The following TADA2A variants were observed in gnomAD, a reference collection of about 807,000 sequenced individuals.
The protein encoded by TADA2A is transcriptional adapter 2-alpha.
In TADA2A, 38 loss-of-function variants were observed where a neutral mutation model predicts 67.4. That is an observed-to-expected ratio of 0.56 (90% confidence interval 0.44 to 0.74). The LOEUF (loss-of-function observed/expected upper bound fraction) is 0.74, where lower values mean the gene tolerates loss of function less well. Among genes scored for constraint, TADA2A ranks in the 30% least tolerant of loss-of-function variants. The pLI, the probability that TADA2A is intolerant of heterozygous loss-of-function variation, is 0.00. For synonymous variants in TADA2A, 192 were observed against 181.6 expected (o/e 1.06, Z -0.46); for missense variants, 454 against 547.0 (o/e 0.83, Z 1.70).
intron 11 of TADA2A, among the ~76,000 whole-genome samples, chr17:37,466,884 G>A (rs1054341718): frequency 1.3e-5 from 2 of 152,122 alleles, no homozygotes; most frequent in African/African-American, 2.4e-5. Flanking sequence ...TGCCCAGTGC[G>A]GTGGCTCATT....
chr17:37,436,558 C>G (rs959268356), intron 4 of TADA2A: 2 of 151,908 alleles, frequency 1.3e-5, no homozygotes, highest in African/African-American at 4.9e-5. Flanking sequence ...GAGGTTTCAT[C>G]ATGTTGGCCA....
intron 4 of TADA2A, among the ~76,000 whole-genome samples, chr17:37,431,229 A>G (rs853224): frequency 1.3e-5 from 2 of 152,022 alleles, no homozygotes; most frequent in Non-Finnish European, 1.5e-5. Flanking sequence ...TCAAAACCTC[A>G]TGCTTAAAAA....
In TADA2A at chr17:37,479,357, A is replaced by G. The variant is rs1468568758; in HGVS notation, c.*2375A>G. On this transcript the variant is annotated 3_prime_UTR_variant, in exon 16 of 16. Coordinates refer to ENST00000615182, the MANE Select transcript of TADA2A (RefSeq NM_001166105.3). ...GAAACAGTTGAACTCTGAAAAGCTG[A>G]TGGCAAATCAGATTTCATGAGGAAA... 1 of 152,234 alleles carries G rather than the reference A, an allele frequency of 6.6e-6. No individual in the cohort carries two copies. Among genetic ancestry groups the G allele is most frequent in the Non-Finnish European group, 1.5e-5 (1 of 68,024 alleles). 9.4% of individuals were successfully genotyped at this position (152,234 alleles called of 1,614,324 possible).
At chr17:37,465,704 C>T in intron 11 of TADA2A, 163 bp downstream of exon 11, 3 of 1,312,222 alleles carry the variant, frequency 2.3e-6, no homozygotes, top group Middle Eastern at 2.5e-4. Flanking sequence ...ATGGGGGTGG[C>T]AGAAGAGAGG....
intron 4 of TADA2A, among the ~76,000 whole-genome samples, chr17:37,434,575 A>G (rs2052665797): frequency 6.6e-6 from 1 of 152,216 alleles, no homozygotes; most frequent in South Asian, 2.1e-4. Flanking sequence ...ATAAATTAGT[A>G]GTTACATTTA....
In TADA2A at chr17:37,444,615, A is replaced by T; in HGVS notation, c.532-81A>T. 3 of 1,171,582 alleles carry T rather than the reference A, an allele frequency of 2.6e-6. No homozygotes were observed. Among genetic ancestry groups the T allele is most frequent in the Admixed American group, 2.2e-5 (1 of 45,900 alleles). The allele number at this position is 1,171,582 out of a possible 1,614,324, so 72.6% of individuals were successfully genotyped here. On this transcript the variant is annotated intron_variant, in intron 7 of 15. Coordinates refer to ENST00000615182, the MANE Select transcript of TADA2A (RefSeq NM_001166105.3). ...CTGTTTGCTTGTGTTTTTTCTGTTT[A>T]CTTCTAAAGCATGGCTGCTGTAAAG...
chr17:37,474,812 GCTTAC>G, intron 15 of TADA2A, among the ~76,000 whole-genome samples, 183 bp downstream of exon 15: 1 of 152,140 alleles, frequency 6.6e-6, no homozygotes, highest in East Asian at 1.9e-4. Flanking sequence ...TCAGAGAATT[GCTTAC>G]CTTGTCACCC....
chr17:37,473,127 A>AT (rs1020173351), intron 14 of TADA2A, among the ~76,000 whole-genome samples: 52,293 of 85,696 alleles, frequency 0.61, 16,449 homozygotes, highest in South Asian at 0.73. Flanking sequence ...ACCTGGAGAA[A>AT]TTTTTTTTTT....
chr17:37,465,981 A>G (rs1186902905), intron 11 of TADA2A, among the ~76,000 whole-genome samples: 1 of 152,186 alleles, frequency 6.6e-6, no homozygotes, highest in Non-Finnish European at 1.5e-5. Flanking sequence ...GTTCATAAAT[A>G]TTTTAGTATT....
At chr17:37,416,027 A>C (rs762766664) in intron 2 of TADA2A, among the ~76,000 whole-genome samples, 4 of 151,676 alleles carry the variant, frequency 2.6e-5, no homozygotes, top group Non-Finnish European at 5.9e-5. Context: ...ACATTTTTTC[A>C]TATGTTTAAG....
chr17:37,476,707 G>A, intron 15 of TADA2A, 90 bp from the exon 16 acceptor site: 2 of 1,399,432 alleles, frequency 1.4e-6, no homozygotes, highest in South Asian at 2.7e-5. Flanking sequence ...GGAGGTTGAT[G>A]TCACTTTAAA....
At chr17:37,460,329 T>C (rs2053518645) in intron 9 of TADA2A, among the ~76,000 whole-genome samples, 1 of 152,090 alleles carries the variant, frequency 6.6e-6, no homozygotes, top group Admixed American at 6.5e-5. Context: ...CACTGCAGCG[T>C]CTGCCTCCTG....
intron 12 of TADA2A, among the ~76,000 whole-genome samples, chr17:37,470,096 T>G (rs1318436354): frequency 6.6e-6 from 1 of 152,240 alleles, no homozygotes; most frequent in Non-Finnish European, 1.5e-5. Context: ...AAAAGTTGGT[T>G]ACTTTTTGAG....
rs928700220 is a variant in TADA2A, at chr17:37,462,088, G to T, written c.679G>T (p.Asp227Tyr). ...GGCTTTTCATTCTAGAATTATAAGA[G>T]ACCATGGATTAATCAACCTTAGAAA... Reference protein sequence around the residue: ...ERQRRKKIIRDHGLINLRKFQ... With the variant: ...ERQRRKKIIRYHGLINLRKFQ... Residue 227 changes from aspartate to tyrosine, a missense_variant, in exon 10 of 16, where the codon GAC becomes TAC. Coordinates refer to ENST00000615182, the MANE Select transcript of TADA2A (RefSeq NM_001166105.3). 2 of 1,573,124 alleles carry T rather than the reference G, an allele frequency of 1.3e-6. No individual in the cohort carries two copies. The highest frequency in any genetic ancestry group is 2.7e-5 in the African/African-American group (2 of 73,498).
chr17:37,476,425 C>A (rs1022008551), intron 15 of TADA2A, among the ~76,000 whole-genome samples: 1 of 152,176 alleles, frequency 6.6e-6, no homozygotes, highest in Non-Finnish European at 1.5e-5. Flanking sequence ...CCCACTGTGC[C>A]CCATGGCTCT....
At position 37,411,364 on chromosome 17, in the gene TADA2A, G is replaced by A. The variant is rs1395496909; in HGVS notation, c.-2G>A. ...AAAGCAGCACTCGTTGCCAATTAGG[G>A]AATGGACCGTTTGGGTTCCTTTAGC... On this transcript the variant is annotated 5_prime_UTR_variant, in exon 2 of 16. Transcript: ENST00000615182. 1 of 1,613,924 alleles carries A rather than the reference G, an allele frequency of 6.2e-7. No individual in the cohort carries two copies. The highest frequency in any genetic ancestry group is 1.3e-5 in the African/African-American group (1 of 75,008).
At chr17:37,442,891 C>T (rs1024710302) in intron 7 of TADA2A, among the ~76,000 whole-genome samples, 13 of 152,166 alleles carry the variant, frequency 8.5e-5, no homozygotes, top group East Asian at 5.8e-4. Flanking sequence ...TGGCCAGGCT[C>T]AGTGGCTTAC....
chr17:37,470,590 A>G (rs1015761113), intron 13 of TADA2A, 58 bp downstream of exon 13: 5 of 1,465,952 alleles, frequency 3.4e-6, no homozygotes, highest in Non-Finnish European at 4.5e-6. Flanking sequence ...TGGCCTTCAC[A>G]TATATTTTTG....
intron 7 of TADA2A, 80 bp from the exon 8 acceptor site, chr17:37,444,616 C>T (rs928117996): frequency 8.3e-7 from 1 of 1,211,824 alleles, no homozygotes; most frequent in Admixed American, 2.1e-5. Flanking sequence ...TTTCTGTTTA[C>T]TTCTAAAGCA....
Sources: allele counts gnomAD v4.1 joint callset (sites outside exome capture counted in the v4.1 genomes callset), GRCh38; gene constraint gnomAD v4.1.1; transcripts MANE v1.5; gene names NCBI Gene and HGNC (gene_info 2026-07-23, HGNC 2026-07-21).